The following USP16 variants were observed in gnomAD, a reference collection of about 807,000 sequenced individuals.
USP16 encodes ubiquitin carboxyl-terminal hydrolase 16.
In USP16, 77 loss-of-function variants were observed where a neutral mutation model predicts 95.9. That is an observed-to-expected ratio of 0.80 (90% CI 0.67 to 0.97). The LOEUF (loss-of-function observed/expected upper bound fraction) is 0.97. USP16 is among the 50% of genes least tolerant of loss of function. The pLI is 0.00. For synonymous variants in USP16, 303 were observed against 318.2 expected (o/e 0.95, Z 0.51); for missense variants, 943 against 959.9 (o/e 0.98, Z 0.23).
At chr21:29,034,769 T>TAGA (rs1191512739) in intron 3 of USP16, 68 bp from the exon 4 acceptor site, 2 of 1,407,996 alleles carry the variant, frequency 1.4e-6, no homozygotes, top group East Asian at 4.6e-5. Flanking sequence ...TTGTTTATGA[T>TAGA]AGATTATGCA....
At chr21:29,040,750 T>C in intron 10 of USP16, 63 bp downstream of exon 10, 1 of 827,832 alleles carries the variant, frequency 1.2e-6, no homozygotes, top group Admixed American at 2.9e-5. Context: ...TAGGACAAGA[T>C]TGCTGGCACA....
Position 29,024,750 on chromosome 21 carries a change from G to C in USP16, c.-69G>C. ...TGCCCAGCCCAAAGGCCCATGAGGGGATGCAGTTATGGGCTCTGTCGCCGT... is the reference window on the plus strand; with the variant it reads ...TGCCCAGCCCAAAGGCCCATGAGGGCATGCAGTTATGGGCTCTGTCGCCGT... On this transcript the variant is annotated 5_prime_UTR_variant, in exon 1 of 18. Coordinates refer to ENST00000399976, the MANE Select transcript of USP16 (RefSeq NM_006447.3). 7.8e-7 allele frequency: 1 copy of C among 1,289,218 alleles called. No individual in the cohort carries two copies. Among genetic ancestry groups the C allele is most frequent in the Middle Eastern group, 2.2e-4 (1 of 4,580 alleles). 79.9% of individuals were successfully genotyped at this position (1,289,218 alleles called of 1,614,324 possible).
Position 29,040,690 on chromosome 21 carries a change from A to G in USP16, c.1030+3A>G. The G allele has an allele frequency of 1.3e-6, 2 of 1,504,358 alleles. No individual in the cohort carries two copies. Among genetic ancestry groups the G allele is most frequent in the South Asian group, 1.2e-5 (1 of 84,752 alleles). The allele number at this position is 1,504,358 out of a possible 1,614,324, so 93.2% of individuals were successfully genotyped here. Reference sequence around the variant, plus strand: ...AGAACTAAAAAATAAAGTTAAAGGTAATGTCTGACTTTTTGAACTAAAACA... The same window carrying G: ...AGAACTAAAAAATAAAGTTAAAGGTGATGTCTGACTTTTTGAACTAAAACA... On this transcript the variant is annotated splice_donor_region_variant and intron_variant, in intron 10 of 17. Transcript: ENST00000399976.
intron 10 of USP16, 130 bp downstream of exon 10, chr21:29,040,817 G>A (rs2146380873): frequency 2.4e-6 from 1 of 419,560 alleles, no homozygotes. Flanking sequence ...ACGTTGATTA[G>A]TAAAAATTAT....
rs1375616484 is a variant in USP16 at position 29,024,675 on chromosome 21, C to G, written c.-144C>G. ...TATTGCTTTCCAGGGGTCACTCTGGCTTCGACTCCGTCGCTCTCAATTCGT... is the reference window on the plus strand; with the variant it reads ...TATTGCTTTCCAGGGGTCACTCTGGGTTCGACTCCGTCGCTCTCAATTCGT... On this transcript the variant is annotated 5_prime_UTR_variant, in exon 1 of 18. Transcript: ENST00000399976. 7.8e-7 allele frequency: 1 copy of G among 1,284,348 alleles called. No individual in the cohort carries two copies. The highest frequency in any genetic ancestry group is 1.2e-5 in the South Asian group (1 of 80,944). 79.6% of individuals were successfully genotyped at this position (1,284,348 alleles called of 1,614,324 possible). A position where few individuals can be genotyped will look rare whatever the true frequency, so the allele number is the denominator to read the frequency against.
At position 29,039,562 on chromosome 21, in the gene USP16, A is replaced by C. The variant is rs1291999462; in HGVS notation, c.945A>C (p.Glu315Asp). The C allele has an allele frequency of 1.9e-6, 3 of 1,612,428 alleles. No individual in the cohort carries two copies. The highest frequency in any genetic ancestry group is 1.3e-5 in the African/African-American group (1 of 74,884). The change falls in exon 9 of 18, where the codon GAA becomes GAC. Residue 315 changes from glutamate (E) to aspartate (D), a missense_variant. Coordinates refer to ENST00000399976, the MANE Select transcript of USP16 (RefSeq NM_006447.3). ...RYLLDGMRAE[E>D]HQRVSKGILK... is the part of the protein sequence containing the mutation. ...TATTGGATGGGATGAGAGCAGAAGA[A>C]CACCAAGTTAGCATGTTATGACCAT...
Position 29,046,797 on chromosome 21 carries a change from A to T in USP16, c.1487A>T (p.Asn496Ile), listed in dbSNP as rs752649188. 2.2e-5 allele frequency: 36 copies of T among 1,613,998 alleles called. No individual in the cohort carries two copies. Among genetic ancestry groups the T allele is most frequent in the South Asian group, 1.6e-4 (15 of 91,084 alleles). ...CAAGGAGAAGTAAATATTAAATCCA[A>T]CCATATTTCACAAGAGGGTGTTATG... The part of the protein sequence containing the change: ...SLQGEVNIKS[N>I]HISQEGVMHK... The change falls in exon 14 of 18, where the codon AAC becomes ATC. Residue 496 changes from asparagine (N) to isoleucine (I), a missense_variant. Coordinates refer to ENST00000399976, the MANE Select transcript of USP16 (RefSeq NM_006447.3).
At chr21:29,027,376 A>G (rs903244203) in intron 1 of USP16, among the ~76,000 whole-genome samples, 8 of 152,262 alleles carry the variant, frequency 5.3e-5, no homozygotes, top group Non-Finnish European at 7.3e-5. Context: ...CTTTGAAGCC[A>G]TTTTGGAAAT....
intron 12 of USP16, 73 bp from the exon 13 acceptor site, chr21:29,043,350 A>G (rs1032538923): frequency 1.8e-5 from 19 of 1,073,370 alleles, no homozygotes; most frequent in South Asian, 3.3e-5. Flanking sequence ...AAATATTTAC[A>G]TAGTGTGGAT....
intron 3 of USP16, 123 bp downstream of exon 3, chr21:29,030,896 G>A: frequency 8.7e-7 from 1 of 1,148,308 alleles, no homozygotes; most frequent in East Asian, 2.6e-5. Context: ...ATGTTCTCTG[G>A]AGAACCAGTT....
chr21:29,051,329 C>T (rs2146401829), intron 16 of USP16, among the ~76,000 whole-genome samples: 1 of 152,272 alleles, frequency 6.6e-6, no homozygotes, highest in African/African-American at 2.4e-5. Context: ...AGACCTATAG[C>T]AGAGAGGTTA....
intron 1 of USP16, among the ~76,000 whole-genome samples, chr21:29,027,593 A>G (rs571913612): frequency 6.6e-6 from 1 of 152,318 alleles, no homozygotes; most frequent in Admixed American, 6.5e-5. Context: ...ACTGTTCAAG[A>G]TCTGTGTAAG....
intron 2 of USP16, among the ~76,000 whole-genome samples, chr21:29,029,599 A>T (rs1032461248): frequency 6.6e-6 from 1 of 152,118 alleles, no homozygotes; most frequent in Non-Finnish European, 1.5e-5. Context: ...TCCTGGAACA[A>T]CTCAGCACTG....
intron 3 of USP16, 127 bp from the exon 4 acceptor site, chr21:29,034,710 A>G (rs1281235841): frequency 7.1e-6 from 6 of 844,812 alleles, no homozygotes; most frequent in South Asian, 7.0e-5. Flanking sequence ...AGAGTCTAAC[A>G]TTTTCTTTTC....
intron 4 of USP16, 119 bp downstream of exon 4, chr21:29,035,059 C>T (rs2085133881): frequency 1.1e-6 from 1 of 890,918 alleles, no homozygotes; most frequent in Non-Finnish European, 1.7e-6. Flanking sequence ...TTTTAAAATA[C>T]CATCACTTTC....
Position 29,048,830 on chromosome 21 carries a change from C to G in USP16, c.2081C>G (p.Thr694Ser), listed in dbSNP as rs768162071. ...MLISLAPPVL[T>S]LHLKRFQQAG... ...ATTTCTCTTGCTCCTCCTGTTCTTA[C>G]TCTTCATTTAAAGAGATTTCAGCAG... Residue 694 changes from threonine to serine, a missense_variant, in exon 15 of 18, where the codon ACT becomes AGT. Transcript: ENST00000399976. 3.1e-6 allele frequency: 5 copies of G among 1,613,794 alleles called. No individual in the cohort carries two copies. Among genetic ancestry groups the G allele is most frequent in the African/African-American group, 1.3e-5 (1 of 75,044 alleles).
Position 29,051,038 on chromosome 21 carries a change from A to C in USP16, c.2193+860A>C, listed in dbSNP as rs181430580. 1.1e-3 allele frequency among the ~76,000 whole-genome samples: 174 copies of C among 152,226 alleles called. 1 individual carries two copies. Among genetic ancestry groups the C allele is most frequent in the Non-Finnish European group, 2.0e-3 (138 of 68,008 alleles). On this transcript the variant is annotated intron_variant, in intron 16 of 17. Coordinates refer to ENST00000399976, the MANE Select transcript of USP16 (RefSeq NM_006447.3). ...ATAGAAGGAATATTTCAGGAGGTAG[A>C]ATTAACCAGACTTAATGATTGATTG...
chr21:29,041,576 C>A (rs1047496415), intron 10 of USP16, among the ~76,000 whole-genome samples: 1 of 152,276 alleles, frequency 6.6e-6, no homozygotes, highest in Admixed American at 6.5e-5. Context: ...AAGTTACATG[C>A]ATTTTCTCTC....
At position 29,053,965 on chromosome 21, in the gene USP16, T is replaced by G. The variant is rs766611240; in HGVS notation, c.2350+7T>G. On this transcript the variant is annotated splice_region_variant and intron_variant, in intron 17 of 17. Coordinates refer to ENST00000399976, the MANE Select transcript of USP16 (RefSeq NM_006447.3). ...CACGGTGATATTCCACAAGGTAAGA[T>G]GTCTTGGAAAATTCAGGCACTCAGC... 1.2e-6 allele frequency: 2 copies of G among 1,613,934 alleles called. No homozygotes were observed. The highest frequency in any genetic ancestry group is 2.2e-5 in the South Asian group (2 of 91,064).
Sources: allele counts gnomAD v4.1 joint callset (sites outside exome capture counted in the v4.1 genomes callset), GRCh38; gene constraint gnomAD v4.1.1; transcripts MANE v1.5; gene names NCBI Gene and HGNC (gene_info 2026-07-23, HGNC 2026-07-21).